The following LRFN5 variants were observed in gnomAD, a reference collection of about 807,000 sequenced individuals.
LRFN5 encodes the protein leucine-rich repeat and fibronectin type-III domain-containing protein 5.
LRFN5 carries 24 observed loss-of-function variants against 45.6 expected under a neutral mutation model. That is an observed-to-expected ratio of 0.53 (90% CI 0.38 to 0.74). The LOEUF (loss-of-function observed/expected upper bound fraction) is 0.74, where lower values mean the gene tolerates loss of function less well. Among genes scored for constraint, LRFN5 ranks in the 30% least tolerant of loss-of-function variants. LRFN5 has a pLI of 0.00. For missense variants in LRFN5, 776 were observed against 861.5 expected (o/e 0.90, Z 1.24); for synonymous variants, 340 against 313.8 (o/e 1.08, Z -0.88).
chr14:41,620,394 G>T (rs1169060608), intron 1 of LRFN5, among the ~76,000 whole-genome samples: 1 of 152,030 alleles, frequency 6.6e-6, no homozygotes, highest in Non-Finnish European at 1.5e-5. Flanking sequence ...ATTATGTAAA[G>T]TTACAAACAC....
At chr14:41,756,874 G>A (rs867758792) in intron 1 of LRFN5, among the ~76,000 whole-genome samples, 2 of 150,846 alleles carry the variant, frequency 1.3e-5, no homozygotes, top group Admixed American at 6.6e-5. Context: ...TGTTTTTTCC[G>A]CATCTTTGTG....
intron 1 of LRFN5, among the ~76,000 whole-genome samples, chr14:41,654,796 G>T (rs1211676220): frequency 2.0e-5 from 3 of 152,048 alleles, no homozygotes. Flanking sequence ...AGAAACCAGG[G>T]AGGGTTGGAC....
At chr14:41,721,317 T>C (rs1164721621) in intron 1 of LRFN5, among the ~76,000 whole-genome samples, 1 of 152,180 alleles carries the variant, frequency 6.6e-6, no homozygotes, top group Non-Finnish European at 1.5e-5. Flanking sequence ...TCTTGCTTTT[T>C]AATCCGACTT....
intron 1 of LRFN5, among the ~76,000 whole-genome samples, chr14:41,648,995 G>A (rs933716553): frequency 6.6e-6 from 1 of 151,956 alleles, no homozygotes; most frequent in Non-Finnish European, 1.5e-5. Context: ...CAGGCTGGGC[G>A]CGCTGGCTTG....
intron 2 of LRFN5, among the ~76,000 whole-genome samples, chr14:41,858,800 A>G (rs1401391009): frequency 6.6e-6 from 1 of 152,106 alleles, no homozygotes; most frequent in Non-Finnish European, 1.5e-5. Flanking sequence ...CCTGAACTTC[A>G]GTGTATATTC....
rs1566651997 is a variant in LRFN5, at chr14:41,751,585, A to G, written c.-196-15269A>G. 2.0e-5 allele frequency among the ~76,000 whole-genome samples: 3 copies of G among 152,064 alleles called. No individual in the cohort carries two copies. In the East Asian group the frequency reaches 5.9e-4, roughly 30 times the overall value. Reference sequence around the variant, plus strand: ...TACATACAATGTATCTGTTTATCTCATCTTTGGAAGTCTCTCCAAGCAGAT... The same window carrying G: ...TACATACAATGTATCTGTTTATCTCGTCTTTGGAAGTCTCTCCAAGCAGAT... On this transcript the variant is annotated intron_variant, in intron 1 of 5. Transcript: ENST00000298119.
At chr14:41,707,262 C>T (rs923033635) in intron 1 of LRFN5, among the ~76,000 whole-genome samples, 7 of 152,294 alleles carry the variant, frequency 4.6e-5, no homozygotes, top group Middle Eastern at 6.8e-3. Flanking sequence ...CCTTTTCCTA[C>T]ATTACTATTG....
intron 2 of LRFN5, among the ~76,000 whole-genome samples, chr14:41,846,947 A>G (rs1438239598): frequency 2.6e-5 from 4 of 152,090 alleles, no homozygotes; most frequent in Non-Finnish European, 4.4e-5. Flanking sequence ...CATGTTTTCT[A>G]TTAACTTTAC....
At chr14:41,715,006 T>A (rs1883434678) in intron 1 of LRFN5, among the ~76,000 whole-genome samples, 1 of 152,120 alleles carries the variant, frequency 6.6e-6, no homozygotes, top group Non-Finnish European at 1.5e-5. Flanking sequence ...ACATAGAATG[T>A]TAAAGGGTTT....
chr14:41,611,737 A>G (rs969657750), intron 1 of LRFN5, among the ~76,000 whole-genome samples: 1 of 152,292 alleles, frequency 6.6e-6, no homozygotes, highest in African/African-American at 2.4e-5. Context: ...ATATGAGCAC[A>G]CACACCTTGT....
chr14:41,688,197 T>C (rs924146530), intron 1 of LRFN5, among the ~76,000 whole-genome samples: 1 of 152,188 alleles, frequency 6.6e-6, no homozygotes, highest in Non-Finnish European at 1.5e-5. Flanking sequence ...TATGCGGGGA[T>C]GCTTTATGGA....
intron 2 of LRFN5, among the ~76,000 whole-genome samples, chr14:41,882,346 T>A (rs1321539115): frequency 6.6e-6 from 1 of 152,160 alleles, no homozygotes; most frequent in East Asian, 1.9e-4. Context: ...CATTTTGTGG[T>A]TAAAATCACA....
chr14:41,847,167 A>G (rs1273463097), intron 2 of LRFN5, among the ~76,000 whole-genome samples: 1 of 152,074 alleles, frequency 6.6e-6, no homozygotes, highest in Admixed American at 6.6e-5. Context: ...ATTGGGGCCC[A>G]CACTCTTTGC....
At chr14:41,645,288 G>A (rs538631142) in intron 1 of LRFN5, among the ~76,000 whole-genome samples, 12 of 152,142 alleles carry the variant, frequency 7.9e-5, no homozygotes, top group East Asian at 3.9e-4. Context: ...AGGCTGGAGC[G>A]CAGTGGCACA....
intron 2 of LRFN5, among the ~76,000 whole-genome samples, chr14:41,875,262 C>T (rs1366456820): frequency 2.0e-5 from 3 of 152,252 alleles, no homozygotes; most frequent in Non-Finnish European, 4.4e-5. Context: ...TCATGAACAA[C>T]AAAAATTCAT....
intron 1 of LRFN5, among the ~76,000 whole-genome samples, chr14:41,661,517 T>G (rs556626800): frequency 6.6e-6 from 1 of 152,146 alleles, no homozygotes; most frequent in Non-Finnish European, 1.5e-5. Context: ...AATAAATAAA[T>G]AATTAAAAGT....
chr14:41,828,508 GT>G (rs1021136062), intron 2 of LRFN5, among the ~76,000 whole-genome samples: 1 of 151,954 alleles, frequency 6.6e-6, no homozygotes, highest in Admixed American at 6.6e-5. Context: ...AAATCAACAT[GT>G]TTAATACCAA....
intron 1 of LRFN5, among the ~76,000 whole-genome samples, chr14:41,659,006 T>G (rs2138633924): frequency 6.6e-6 from 1 of 152,108 alleles, no homozygotes; most frequent in Admixed American, 6.6e-5. Context: ...CCCTAAAATT[T>G]CTTTTGGCTC....
chr14:41,878,530 A>G (rs1957873), intron 2 of LRFN5, among the ~76,000 whole-genome samples: 1,845 of 152,286 alleles, frequency 0.012, 36 homozygotes, highest in African/African-American at 0.042. Context: ...TGGATGTAGT[A>G]ATGGAAAATC....
Sources: gnomAD v4.1 joint callset for allele counts (sites outside exome capture counted in the v4.1 genomes callset) on GRCh38, gnomAD v4.1.1 for gene constraint, MANE v1.5 for transcripts, NCBI Gene and HGNC (gene_info 2026-07-23, HGNC 2026-07-21) for gene names.